The following SPATA13 variants were observed in gnomAD, a reference collection of about 807,000 sequenced individuals.
SPATA13 encodes spermatogenesis-associated protein 13.
SPATA13 carries 50 observed loss-of-function variants against 104.0 expected under a neutral mutation model. The ratio of observed to expected loss-of-function variants is 0.48; its 90% CI spans 0.38 to 0.61. The LOEUF is 0.61. Ranked by LOEUF, SPATA13 falls within the 20% of genes least tolerant of loss-of-function variation. SPATA13 has a pLI of 0.00. For missense variants in SPATA13, 1,524 were observed against 1,690.6 expected, an observed-to-expected ratio of 0.90 and a Z score of 1.73; for synonymous variants, 606 against 667.5, an observed-to-expected ratio of 0.91 and a Z score of 1.42.
intron 4 of SPATA13, among the ~76,000 whole-genome samples, chr13:24,269,741 A>ATTTTTTTTTT (rs71070673): frequency 1.3e-5 from 1 of 75,912 alleles, no homozygotes; most frequent in Non-Finnish European, 2.3e-5. Flanking sequence ...GCTAATATAA[A>ATTTTTTTTTT]TTTTTTTTTT....
chr13:24,203,790 C>G (rs1422942103), intron 1 of SPATA13, among the ~76,000 whole-genome samples: 1 of 151,982 alleles, frequency 6.6e-6, no homozygotes, highest in Non-Finnish European at 1.5e-5. Context: ...GTAGTCTCTC[C>G]CACAGAAGGA....
At chr13:24,277,469 G>T (rs1216636029) in intron 4 of SPATA13, among the ~76,000 whole-genome samples, 1 of 121,498 alleles carries the variant, frequency 8.2e-6, no homozygotes, top group Middle Eastern at 4.3e-3. Context: ...AAAAGAAGAA[G>T]TTCACCTTGG....
At chr13:24,058,215 C>A (rs759932743) in intron 3 of SPATA13, among the ~76,000 whole-genome samples, 5 of 151,788 alleles carry the variant, frequency 3.3e-5, no homozygotes, top group Non-Finnish European at 5.9e-5. Flanking sequence ...GTCTTTTGAT[C>A]GTAAGTGGAA....
At chr13:24,040,934 GC>G (rs1877900783) in intron 3 of SPATA13, among the ~76,000 whole-genome samples, 1 of 152,218 alleles carries the variant, frequency 6.6e-6, no homozygotes, top group Non-Finnish European at 1.5e-5. Context: ...CCACTGGGAA[GC>G]CCCTGGGGGA....
Position 24,289,005 on chromosome 13 carries a change from A to T in SPATA13, c.2674A>T (p.Ile892Phe). ...KHLRDICEGYIRQCRKHTGMF... is the reference protein window; with the variant it reads ...KHLRDICEGYFRQCRKHTGMF... Reference sequence around the variant, plus strand: ...TTACTTCTGTATTTTGCAGGGCTATATCCGACAGTGCCGCAAGCACACAGG... The same window carrying T: ...TTACTTCTGTATTTTGCAGGGCTATTTCCGACAGTGCCGCAAGCACACAGG... Residue 892 changes from isoleucine to phenylalanine, a missense_variant, in exon 8 of 13, where the codon ATC becomes TTC. Around this residue, in one of 2 missense-constraint regions of SPATA13, gnomAD observed 435 missense variants for 554.8 expected, o/e 0.78. Transcript: ENST00000382108. 1 of 1,607,008 alleles carries T rather than the reference A, an allele frequency of 6.2e-7. No individual in the cohort carries two copies.
At chr13:24,285,400 A>G (rs1316976202) in intron 5 of SPATA13, among the ~76,000 whole-genome samples, 1 of 152,164 alleles carries the variant, frequency 6.6e-6, no homozygotes, top group Non-Finnish European at 1.5e-5. Context: ...TACGGCTGCC[A>G]GAAACCATTT....
intron 3 of SPATA13, among the ~76,000 whole-genome samples, chr13:24,127,555 C>T (rs999801665): frequency 2.6e-5 from 4 of 152,182 alleles, no homozygotes; most frequent in African/African-American, 9.7e-5. Flanking sequence ...ATCTCCAGCA[C>T]AGCAAGAGCT....
chr13:24,077,555 C>T (rs1260077954), intron 3 of SPATA13, among the ~76,000 whole-genome samples: 2 of 152,068 alleles, frequency 1.3e-5, no homozygotes, highest in Non-Finnish European at 2.9e-5. Flanking sequence ...ACTGGAAGCC[C>T]AGTCCCCACC....
At chr13:24,284,436 G>A (rs183345133) in intron 5 of SPATA13, among the ~76,000 whole-genome samples, 165 bp downstream of exon 5, 53 of 152,248 alleles carry the variant, frequency 3.5e-4, no homozygotes, top group East Asian at 1.2e-3. Context: ...CAAGGCAGGT[G>A]GATCATTAGT....
intron 3 of SPATA13, among the ~76,000 whole-genome samples, chr13:24,111,737 C>A (rs1221698174): frequency 6.6e-6 from 1 of 152,214 alleles, no homozygotes; most frequent in African/African-American, 2.4e-5. Flanking sequence ...TCAAATTGAT[C>A]ATTTTTTCCT....
At chr13:24,038,585 G>A (rs1877801441) in intron 3 of SPATA13, among the ~76,000 whole-genome samples, 1 of 152,186 alleles carries the variant, frequency 6.6e-6, no homozygotes, top group Non-Finnish European at 1.5e-5. Flanking sequence ...AGTGCCGAGA[G>A]TAAGGATTTT....
intron 3 of SPATA13, among the ~76,000 whole-genome samples, chr13:24,134,920 C>T (rs1051278270): frequency 3.3e-5 from 5 of 152,094 alleles, no homozygotes; most frequent in East Asian, 3.9e-4. Flanking sequence ...GTCATTAAGG[C>T]GGGCTCCAAT....
At chr13:24,117,798 C>T (rs992446777) in intron 3 of SPATA13, among the ~76,000 whole-genome samples, 1 of 152,164 alleles carries the variant, frequency 6.6e-6, no homozygotes, top group Non-Finnish European at 1.5e-5. Context: ...TATGTAAATT[C>T]TGCCTAGAGC....
intron 1 of SPATA13, among the ~76,000 whole-genome samples, chr13:24,188,830 C>T (rs115200801): frequency 0.01 from 1,587 of 152,230 alleles, 38 homozygotes; most frequent in African/African-American, 0.036. Flanking sequence ...AATGATTCTC[C>T]GGTTAGGGGC....
At chr13:24,225,248 T>G (rs1050142277) in intron 2 of SPATA13, among the ~76,000 whole-genome samples, 1 of 152,222 alleles carries the variant, frequency 6.6e-6, no homozygotes, top group Non-Finnish European at 1.5e-5. Flanking sequence ...GAGTCCAGCC[T>G]CTGCACACAG....
upstream of SPATA13, among the ~76,000 whole-genome samples, chr13:24,158,277 C>T (rs146932013): frequency 5.8e-4 from 89 of 152,242 alleles, no homozygotes; most frequent in African/African-American, 1.9e-3. Context: ...ATGCAGATGC[C>T]GGCCTTGTCT....
chr13:24,152,455 A>G (rs1277998509), intron 3 of SPATA13, among the ~76,000 whole-genome samples: 1 of 152,204 alleles, frequency 6.6e-6, no homozygotes, highest in African/African-American at 2.4e-5. Flanking sequence ...CCATCCTGTC[A>G]CATTGTGTGT....
chr13:24,125,603 C>T (rs1309569405), intron 3 of SPATA13, among the ~76,000 whole-genome samples: 1 of 152,118 alleles, frequency 6.6e-6, no homozygotes, highest in Non-Finnish European at 1.5e-5. Context: ...TCTCAGTTCA[C>T]CTAGTGAGAA....
At chr13:24,300,322 A>C (rs1243242430) in intron 11 of SPATA13, 79 bp from the exon 12 acceptor site, 3 of 1,101,036 alleles carry the variant, frequency 2.7e-6, no homozygotes, top group East Asian at 4.8e-5. Flanking sequence ...CTCAATGCTG[A>C]TATGGGCTGT....
Sources: gnomAD v4.1 joint callset for allele counts (sites outside exome capture counted in the v4.1 genomes callset) on GRCh38, gnomAD v4.1.1 for gene constraint, gnomAD v4.1.1 regional missense constraint, MANE v1.5 for transcripts, NCBI Gene and HGNC (gene_info 2026-07-23, HGNC 2026-07-21) for gene names.